ADGRL3: variants seen among roughly 807,000 people sequenced by gnomAD.
ADGRL3 encodes the protein adhesion G protein-coupled receptor L3.
A neutral mutation model predicts 153.5 loss-of-function variants in ADGRL3; 62 were observed. The ratio of observed to expected loss-of-function variants is 0.40; its 90% CI spans 0.33 to 0.50. ADGRL3 has a LOEUF of 0.50. Among genes scored for constraint, ADGRL3 ranks in the 20% least tolerant of loss-of-function variants. The pLI, the probability that ADGRL3 is intolerant of heterozygous loss-of-function variation, is 0.47. For missense variants in ADGRL3, 1,641 were observed against 1,859.4 expected, an observed-to-expected ratio of 0.88 and a Z score of 2.16; for synonymous variants, 710 against 672.5, an observed-to-expected ratio of 1.06 and a Z score of -0.86.
At chr4:61,312,444 A>T (rs1340034140) in intron 1 of ADGRL3, among the ~76,000 whole-genome samples, 5 of 152,202 alleles carry the variant, frequency 3.3e-5, no homozygotes, top group South Asian at 4.1e-4. Context: ...TAAAATTAAA[A>T]GCTAGTAATG....
chr4:61,815,057 C>T (rs7656882), intron 9 of ADGRL3, among the ~76,000 whole-genome samples: 27 of 151,942 alleles, frequency 1.8e-4, no homozygotes, highest in African/African-American at 6.0e-4. Context: ...TGAAGGTGAC[C>T]GCCTAGATCC....
intron 6 of ADGRL3, among the ~76,000 whole-genome samples, chr4:61,699,961 C>A (rs550361084): frequency 1.9e-3 from 283 of 149,832 alleles, no homozygotes; most frequent in Middle Eastern, 0.017. Context: ...CACACACACA[C>A]ACACACAAAA....
At chr4:61,392,321 T>A (rs907599132) in intron 2 of ADGRL3, among the ~76,000 whole-genome samples, 8 of 152,138 alleles carry the variant, frequency 5.3e-5, no homozygotes, top group Admixed American at 4.6e-4. Flanking sequence ...TCAGCTGTTT[T>A]ATTCTAATTA....
At chr4:62,022,792 A>G (rs973023334) in intron 21 of ADGRL3, among the ~76,000 whole-genome samples, 1 of 91,054 alleles carries the variant, frequency 1.1e-5, no homozygotes. Flanking sequence ...TACTGCTCAG[A>G]AAAAAAAAAA....
chr4:61,639,558 C>G (rs2093576298), intron 5 of ADGRL3, among the ~76,000 whole-genome samples: 1 of 152,080 alleles, frequency 6.6e-6, no homozygotes, highest in Non-Finnish European at 1.5e-5. Flanking sequence ...ATTAAAATCT[C>G]TCTGGAAAAT....
chr4:61,737,446 C>T (rs183774947), intron 8 of ADGRL3, among the ~76,000 whole-genome samples: 34 of 152,240 alleles, frequency 2.2e-4, no homozygotes, highest in Admixed American at 1.2e-3. Context: ...ACATAGGTAG[C>T]ATAGGCTTCT....
rs568431142 is a variant in ADGRL3, at chr4:61,827,766, T to C, written c.1480+13877T>C. ...TCCTTGATTTCTAATTTAGATAATT[T>C]GGGTGGATTTTGGTACTGTTCTGGA... On this transcript the variant is annotated intron_variant, in intron 9 of 26. Transcript: ENST00000683033. Among the ~76,000 whole-genome samples, 34 of 152,296 alleles carry C rather than the reference T, an allele frequency of 2.2e-4. No homozygotes were observed. The South Asian group carries it at 4.8e-3, about 21-fold the overall frequency.
chr4:61,866,131 T>G (rs536776271), intron 9 of ADGRL3, among the ~76,000 whole-genome samples: 43 of 152,188 alleles, frequency 2.8e-4, no homozygotes, highest in Non-Finnish European at 5.7e-4. Flanking sequence ...CCCCTGCCCC[T>G]GAGAAATTTA....
intron 5 of ADGRL3, among the ~76,000 whole-genome samples, chr4:61,597,417 C>T (rs2098993508): frequency 6.6e-6 from 1 of 151,990 alleles, no homozygotes; most frequent in East Asian, 1.9e-4. Flanking sequence ...TTATTTAGAG[C>T]CACTTTGATC....
rs2099121562 is a variant in ADGRL3, at chr4:61,996,331, A to C, written c.3277A>C (p.Ile1093Leu). ...RLDTYFIWSF[I>L]GPATLIIMLN... is the part of the protein sequence containing the mutation. ...TGACACCTACTTCATTTGGAGTTTTATAGGACCAGCAACTTTGATAATTAT... is the reference window on the plus strand; with the variant it reads ...TGACACCTACTTCATTTGGAGTTTTCTAGGACCAGCAACTTTGATAATTAT... The change falls in exon 20 of 27, where the codon ATA (isoleucine) becomes CTA (leucine). Residue 1093 changes from isoleucine (I) to leucine (L), a missense_variant. This residue lies in a region of ADGRL3 where 32 missense variants were observed against 66.2 expected (regional missense o/e 0.48). Coordinates refer to ENST00000683033, the MANE Select transcript of ADGRL3 (RefSeq NM_001387552.1). 1 of 1,612,652 alleles carries C rather than the reference A, an allele frequency of 6.2e-7. No individual in the cohort carries two copies. The highest frequency in any genetic ancestry group is 8.5e-7 in the Non-Finnish European group (1 of 1,178,922).
intron 8 of ADGRL3, among the ~76,000 whole-genome samples, chr4:61,776,050 G>A (rs1339950444): frequency 6.6e-6 from 1 of 151,972 alleles, no homozygotes; most frequent in Non-Finnish European, 1.5e-5. Flanking sequence ...CCAGGCGCCC[G>A]CCACCACACC....
At chr4:61,712,496 T>C (rs1406919494) in intron 6 of ADGRL3, among the ~76,000 whole-genome samples, 1 of 152,174 alleles carries the variant, frequency 6.6e-6, no homozygotes, top group African/African-American at 2.4e-5. Flanking sequence ...ACCATTCAGT[T>C]CATTTAGCCT....
intron 2 of ADGRL3, among the ~76,000 whole-genome samples, chr4:61,400,515 C>T (rs1366174339): frequency 6.6e-6 from 1 of 151,754 alleles, no homozygotes; most frequent in African/African-American, 2.4e-5. Context: ...ATATATTGTT[C>T]CTGGGATTCC....
intron 4 of ADGRL3, among the ~76,000 whole-genome samples, chr4:61,552,342 A>G (rs1333926924): frequency 2.6e-5 from 4 of 152,146 alleles, no homozygotes; most frequent in East Asian, 3.9e-4. Context: ...TTTTTTCTTT[A>G]TAAGAAAATC....
chr4:61,520,890 T>C (rs1289911272), intron 4 of ADGRL3, among the ~76,000 whole-genome samples: 1 of 152,082 alleles, frequency 6.6e-6, no homozygotes, highest in Non-Finnish European at 1.5e-5. Flanking sequence ...ATTGTCATTA[T>C]AAGTGACTGT....
chr4:61,912,181 T>C (rs1242575426), intron 12 of ADGRL3, among the ~76,000 whole-genome samples: 2 of 152,190 alleles, frequency 1.3e-5, no homozygotes, highest in Non-Finnish European at 2.9e-5. Flanking sequence ...ATGTGCCCAT[T>C]AGAATCAAAG....
chr4:62,038,111 G>A (rs1726095628), intron 24 of ADGRL3, among the ~76,000 whole-genome samples: 3 of 152,206 alleles, frequency 2.0e-5, no homozygotes, highest in Middle Eastern at 3.4e-3. Flanking sequence ...AATGCAGCAG[G>A]TAAAGAAAGG....
chr4:61,420,441 C>T (rs768706105), intron 2 of ADGRL3: 8 of 122,942 alleles, frequency 6.5e-5, no homozygotes, highest in East Asian at 2.6e-4. Flanking sequence ...GAGTCTCACT[C>T]CGTAGCCCAG....
intron 2 of ADGRL3, among the ~76,000 whole-genome samples, chr4:61,439,818 C>T (rs2097505296): frequency 1.3e-5 from 2 of 152,066 alleles, no homozygotes; most frequent in African/African-American, 4.8e-5. Context: ...TTTTAGAAAG[C>T]ATTATTTTCT....
Sources: allele counts gnomAD v4.1 joint callset (sites outside exome capture counted in the v4.1 genomes callset), GRCh38; gene constraint gnomAD v4.1.1; regional missense constraint gnomAD v4.1.1; transcripts MANE v1.5; gene names NCBI Gene and HGNC (gene_info 2026-07-23, HGNC 2026-07-21).